The following CDKN2B-AS1 variants were observed in gnomAD, a reference collection of about 807,000 sequenced individuals.
The protein encoded by CDKN2B-AS1 is CDKN2B and CDKN2A antisense cis and trans regulatory RNA 1.
chr9:22,053,033 T>C (rs1340681988), intron 3 of CDKN2B-AS1, among the ~76,000 whole-genome samples: 1 of 152,164 alleles, frequency 6.6e-6, no homozygotes, highest in Non-Finnish European at 1.5e-5. Context: ...AAGAGGGAGG[T>C]TAGGTTGACT....
intron 4 of CDKN2B-AS1, among the ~76,000 whole-genome samples, chr9:22,107,070 A>G (rs1825679133): frequency 6.6e-6 from 1 of 152,232 alleles, no homozygotes; most frequent in South Asian, 2.1e-4. Context: ...TTGTGGTCAA[A>G]TTTGCTCTTT....
At position 22,000,696 on chromosome 9, in the gene CDKN2B-AS1, T is replaced by C. The variant is rs1047518027; in HGVS notation, n.29+5535T>C. 1.5e-4 allele frequency among the ~76,000 whole-genome samples: 23 copies of C among 152,182 alleles called. No individual in the cohort carries two copies. The highest frequency in any genetic ancestry group is 5.3e-4 in the African/African-American group (22 of 41,452). Reference sequence around the variant, plus strand: ...CTTGTCTGTGGGTTTTTGAACAGAATAAACTGTTTCTTCTTTTATGTTTGT... The same window carrying C: ...CTTGTCTGTGGGTTTTTGAACAGAACAAACTGTTTCTTCTTTTATGTTTGT... On this transcript the variant is annotated intron_variant and non_coding_transcript_variant, in intron 1 of 4. Transcript: ENST00000650946. The surrounding 1 kb of genome is among the most constrained non-coding windows in gnomAD (Gnocchi z 4.1).
At chr9:22,079,637 G>A (rs187745398) in intron 4 of CDKN2B-AS1, among the ~76,000 whole-genome samples, 2 of 152,230 alleles carry the variant, frequency 1.3e-5, no homozygotes, top group East Asian at 3.9e-4. Context: ...CCTCAATAAT[G>A]TTGGCACTCT....
chr9:22,116,406 C>T (rs978270424), intron 4 of CDKN2B-AS1, among the ~76,000 whole-genome samples: 2 of 152,164 alleles, frequency 1.3e-5, no homozygotes, highest in African/African-American at 4.8e-5. Flanking sequence ...CAATGCATAA[C>T]AGACCCAACA....
chr9:22,038,543 T>G (rs1050966724), intron 1 of CDKN2B-AS1, among the ~76,000 whole-genome samples: 3 of 152,028 alleles, frequency 2.0e-5, no homozygotes, highest in Non-Finnish European at 4.4e-5. Flanking sequence ...CAACTCTAAA[T>G]ATCCATACTT....
chr9:22,111,878 T>C (rs1364809216), intron 4 of CDKN2B-AS1, among the ~76,000 whole-genome samples: 1 of 152,136 alleles, frequency 6.6e-6, no homozygotes, highest in African/African-American at 2.4e-5. Flanking sequence ...GAAGGAGTGT[T>C]TGGTGTGGCA....
In CDKN2B-AS1 at chr9:22,005,994, C is replaced by T. The variant is rs768043782; in HGVS notation, n.29+10833C>T. ...CGGCTGGGGAACCTGGCGTCAGTCC[C>T]CCGTGGCTGTGCGCAGGTACCCTGC... is the stretch of plus-strand genomic sequence containing the variant. On this transcript the variant is annotated intron_variant and non_coding_transcript_variant, in intron 1 of 4. Transcript: ENST00000650946. The surrounding 1 kb of genome is among the most constrained non-coding windows in gnomAD (Gnocchi z 4.9). The T allele has an allele frequency of 2.5e-6, 4 of 1,602,422 alleles. No individual in the cohort carries two copies. The South Asian group carries it at 4.4e-5, about 18-fold the overall frequency.
chr9:22,012,884 A>C (rs1463095289), intron 1 of CDKN2B-AS1, among the ~76,000 whole-genome samples: 1 of 152,026 alleles, frequency 6.6e-6, no homozygotes, highest in South Asian at 2.1e-4. Context: ...CTATATTCCC[A>C]TGTATTTTTC....
intron 1 of CDKN2B-AS1, among the ~76,000 whole-genome samples, chr9:22,044,156 G>A (rs1288365271): frequency 6.6e-6 from 1 of 151,938 alleles, no homozygotes; most frequent in Non-Finnish European, 1.5e-5. Context: ...ACGACAAGAT[G>A]TTTTAGTATT....
At position 22,006,199 on chromosome 9, in the gene CDKN2B-AS1, C is replaced by T. The variant is rs779655098; in HGVS notation, n.29+11038C>T. On this transcript the variant is annotated intron_variant and non_coding_transcript_variant, in intron 1 of 4. Coordinates refer to ENST00000650946, the Ensembl canonical transcript of CDKN2B-AS1. The surrounding 1 kb of genome is among the most constrained non-coding windows in gnomAD (Gnocchi z 6.4). Reference sequence around the variant, plus strand: ...GGGTCTGCGCAGTTGGGCTCCGCGCCGTGGAGCAGCAGCAGCTCCGCCACG... The same window carrying T: ...GGGTCTGCGCAGTTGGGCTCCGCGCTGTGGAGCAGCAGCAGCTCCGCCACG... The T allele has an allele frequency of 1.7e-5, 27 of 1,608,702 alleles. No homozygotes were observed. The South Asian group carries it at 2.1e-4, about 12-fold the overall frequency.
intron 4 of CDKN2B-AS1, among the ~76,000 whole-genome samples, chr9:22,090,161 C>G (rs1264260144): frequency 6.6e-6 from 1 of 152,102 alleles, no homozygotes. Context: ...ATGAACTCAT[C>G]CTTTTTTATG....
chr9:22,081,822 C>T (rs916415522), intron 4 of CDKN2B-AS1, among the ~76,000 whole-genome samples: 1 of 152,232 alleles, frequency 6.6e-6, no homozygotes, highest in African/African-American at 2.4e-5. Flanking sequence ...GAACATGGCA[C>T]CCAATCCTTA....
intron 4 of CDKN2B-AS1, among the ~76,000 whole-genome samples, chr9:22,123,864 C>T (rs767898399): frequency 6.6e-5 from 10 of 152,020 alleles, no homozygotes; most frequent in South Asian, 2.1e-4. Context: ...ACAATGACAA[C>T]GGAAAGGACT....
At chr9:22,023,369 G>T (rs957558865) in intron 1 of CDKN2B-AS1, among the ~76,000 whole-genome samples, 1 of 151,892 alleles carries the variant, frequency 6.6e-6, no homozygotes, top group Non-Finnish European at 1.5e-5. Flanking sequence ...ATTTTGGAAA[G>T]GTAGTCTTCA....
At chr9:22,122,870 G>A (rs1468591731) in intron 4 of CDKN2B-AS1, among the ~76,000 whole-genome samples, 1 of 152,010 alleles carries the variant, frequency 6.6e-6, no homozygotes, top group Non-Finnish European at 1.5e-5. Context: ...GATTGCTTTG[G>A]CTGTTTGGGG....
intron 1 of CDKN2B-AS1, among the ~76,000 whole-genome samples, chr9:22,019,819 G>A (rs1821941962): frequency 6.6e-6 from 1 of 152,244 alleles, no homozygotes; most frequent in East Asian, 1.9e-4. Flanking sequence ...AAAAAGAATA[G>A]TAGAGTATAA....
rs551004134 is a variant in CDKN2B-AS1 at position 22,067,431 on chromosome 9, G to A, written n.438+11044G>A. On this transcript the variant is annotated intron_variant and non_coding_transcript_variant, in intron 4 of 4. Transcript: ENST00000650946. ...CTTCATAGAACAAGAGCAGGATTGA[G>A]TCATGTAGGCAACTGTTTCAGCTTC... 2.0e-5 allele frequency among the ~76,000 whole-genome samples: 3 copies of A among 152,254 alleles called. No homozygotes were observed. The South Asian group carries it at 6.2e-4, about 32-fold the overall frequency.
rs1822833493 is a variant in CDKN2B-AS1 at position 22,039,950 on chromosome 9, T to G, written n.30-6801T>G. ...GGTGTCCTTATAAAAAGGAGAATTT[T>G]GGCCATAGAGACATGCACTGGGAGA... On this transcript the variant is annotated intron_variant and non_coding_transcript_variant, in intron 1 of 4. Coordinates refer to ENST00000650946, the Ensembl canonical transcript of CDKN2B-AS1. This position sits in a 1 kb window ranked among gnomAD's most constrained non-coding sequence, Gnocchi z 4.4. Among the ~76,000 whole-genome samples the G allele has an allele frequency of 6.6e-6, 1 of 152,052 alleles. No homozygotes were observed. Among genetic ancestry groups the G allele is most frequent in the Non-Finnish European group, 1.5e-5 (1 of 67,956 alleles).
intron 4 of CDKN2B-AS1, among the ~76,000 whole-genome samples, chr9:22,065,431 C>G (rs910526235): frequency 2.0e-5 from 3 of 152,160 alleles, no homozygotes; most frequent in Admixed American, 6.5e-5. Context: ...TGTCTAGAGT[C>G]TTCTAGACTT....
Sources: allele counts gnomAD v4.1 joint callset (sites outside exome capture counted in the v4.1 genomes callset), GRCh38; gene constraint gnomAD v4.1.1; non-coding constraint Gnocchi (gnomAD v3.1); transcripts MANE v1.5; gene names NCBI Gene and HGNC (gene_info 2026-07-23, HGNC 2026-07-21).